CERT1: variants seen among roughly 807,000 people sequenced by gnomAD.
CERT1 encodes ceramide transfer protein.
Under a neutral mutation model 87.9 loss-of-function variants are expected in CERT1, and 31 were observed. That is an observed-to-expected ratio of 0.35 (90% CI 0.27 to 0.48). The LOEUF is 0.48. Among genes scored for constraint, CERT1 ranks in the 20% least tolerant of loss-of-function variants. The pLI is 0.99. For synonymous variants in CERT1, 289 were observed against 250.9 expected (o/e 1.15, Z -1.44); for missense variants, 487 against 758.0 (o/e 0.64, Z 4.20).
Position 75,506,100 on chromosome 5 carries a change from T to C in CERT1, c.113A>G (p.His38Arg), listed in dbSNP as rs773126485. 6.2e-7 allele frequency: 1 copy of C among 1,612,846 alleles called. No homozygotes were observed. Reference sequence around the variant, plus strand: ...AACTACCCAACGATCCTGCCACCCATGAATGTAGTTTGTCCACTGGGAGTG... The same window carrying C: ...AACTACCCAACGATCCTGCCACCCACGAATGTAGTTTGTCCACTGGGAGTG... The part of the protein sequence containing the change: ...GVLSKWTNYI[H>R]GWQDRWVVLK... The change falls in exon 2 of 17, where the codon CAT becomes CGT. Residue 38 changes from histidine (H) to arginine (R), a missense_variant. By Grantham distance (29) the His-to-Arg change is conservative (BLOSUM62 0). Coordinates refer to ENST00000643780, the MANE Select transcript of CERT1 (RefSeq NM_001379029.1).
intron 14 of CERT1, among the ~76,000 whole-genome samples, chr5:75,383,240 ATTTG>A (rs1294891747): frequency 1.3e-5 from 2 of 152,046 alleles, no homozygotes; most frequent in African/African-American, 4.8e-5. Context: ...TTCCAGGACA[ATTTG>A]TTTATTCCAA....
chr5:75,479,007 C>A (rs1766106015), intron 2 of CERT1, among the ~76,000 whole-genome samples: 1 of 136,948 alleles, frequency 7.3e-6, no homozygotes, highest in Non-Finnish European at 1.5e-5. Context: ...ATATCTAGGA[C>A]AATTTTGATC....
At chr5:75,452,302 G>A (rs1436459473) in intron 3 of CERT1, among the ~76,000 whole-genome samples, 1 of 152,146 alleles carries the variant, frequency 6.6e-6, no homozygotes, top group African/African-American at 2.4e-5. Flanking sequence ...TCCACAACGT[G>A]GGGAAAGTCT....
At chr5:75,471,652 G>A (rs897147720) in intron 2 of CERT1, among the ~76,000 whole-genome samples, 1 of 151,518 alleles carries the variant, frequency 6.6e-6, no homozygotes, top group Non-Finnish European at 1.5e-5. Context: ...CCAGCTACTC[G>A]GGAGGCTGAG....
At chr5:75,494,814 CCTGT>C (rs1766980029) in intron 2 of CERT1, among the ~76,000 whole-genome samples, 1 of 152,132 alleles carries the variant, frequency 6.6e-6, no homozygotes, top group African/African-American at 2.4e-5. Flanking sequence ...TCTTGTCCAC[CCTGT>C]CTTTTGGGAT....
upstream of CERT1, chr5:75,511,931 G>T (rs942533634): frequency 5.6e-6 from 6 of 1,078,186 alleles, no homozygotes; most frequent in African/African-American, 1.6e-5. Flanking sequence ...ATCCCGCGCG[G>T]GGATCGCTTG....
rs536851313 is a variant in CERT1, at chr5:75,408,742, G to T, written c.930+2269C>A. Among the ~76,000 whole-genome samples the T allele has an allele frequency of 3.9e-5, 6 of 152,082 alleles. No individual in the cohort carries two copies. In the South Asian group the frequency reaches 1.2e-3, roughly 32 times the overall value. On this transcript the variant is annotated intron_variant, in intron 8 of 16. Transcript: ENST00000643780. The stretch of plus-strand genomic sequence containing the variant: ...CTCTGCCAGTACACAATATACTCAT[G>T]TAACAAACATGCATGTGTACTTCCA...
chr5:75,374,441 C>T (rs1347643462), downstream of CERT1: 1 of 659,916 alleles, frequency 1.5e-6, no homozygotes, highest in Non-Finnish European at 2.7e-6. Flanking sequence ...GAACAGTCCT[C>T]TCTACAGTCC....
chr5:75,500,994 G>GTTTTTTTTTTGT (rs1767338728), intron 2 of CERT1, among the ~76,000 whole-genome samples: 2 of 136,932 alleles, frequency 1.5e-5, no homozygotes, highest in Non-Finnish European at 3.2e-5. Flanking sequence ...TGTTTTTTTT[G>GTTTTTTTTTTGT]TTTTTTTTTT....
chr5:75,494,835 A>C (rs1293392629), intron 2 of CERT1, among the ~76,000 whole-genome samples: 1 of 152,174 alleles, frequency 6.6e-6, no homozygotes, highest in Non-Finnish European at 1.5e-5. Flanking sequence ...GGATTTCGAC[A>C]GTTTTTAGCC....
chr5:75,434,485 A>C (rs1222621164), intron 3 of CERT1, among the ~76,000 whole-genome samples: 1 of 152,086 alleles, frequency 6.6e-6, no homozygotes, highest in Admixed American at 6.5e-5. Context: ...TTTTGGTATA[A>C]GAATGATGCT....
In CERT1 at chr5:75,459,008, A is replaced by T; in HGVS notation, c.348+57T>A. On this transcript the variant is annotated intron_variant, in intron 3 of 16. Transcript: ENST00000643780. ...CACATGTCAACTTTTTTTTTAAGGT[A>T]TTGTCAACAATCTCTTACCTAGTCC... The T allele has an allele frequency of 7.6e-6, 7 of 917,886 alleles. No individual in the cohort carries two copies. The Admixed American group carries it at 1.3e-4, about 17-fold the overall frequency. 56.9% of individuals were successfully genotyped at this position (917,886 alleles called of 1,614,324 possible). A position where few individuals can be genotyped will look rare whatever the true frequency, so the allele number is the denominator to read the frequency against.
At chr5:75,444,542 T>G (rs985257452) in intron 3 of CERT1, among the ~76,000 whole-genome samples, 2 of 149,208 alleles carry the variant, frequency 1.3e-5, no homozygotes, top group Non-Finnish European at 3.0e-5. Context: ...ATTTTGCTTT[T>G]CTTTTCTTTT....
At chr5:75,506,641 GTA>G (rs1456853462) in intron 1 of CERT1, among the ~76,000 whole-genome samples, 4 of 152,088 alleles carry the variant, frequency 2.6e-5, no homozygotes, top group African/African-American at 9.7e-5. Flanking sequence ...TATAACAGCT[GTA>G]ACTATATCAA....
At position 75,417,088 on chromosome 5, in the gene CERT1, C is replaced by T; in HGVS notation, c.680-55G>A. ...TCTCTAATGAGGAAATAATTCATCA[C>T]AATTTAAGATTAGAAAATGTTTAGA... On this transcript the variant is annotated intron_variant, in intron 6 of 16. Transcript: ENST00000643780. The T allele has an allele frequency of 6.1e-6, 8 of 1,318,328 alleles. No individual in the cohort carries two copies. The South Asian group carries it at 1.1e-4, about 18-fold the overall frequency. The allele number at this position is 1,318,328 out of a possible 1,614,324, so 81.7% of individuals were successfully genotyped here.
At position 75,400,177 on chromosome 5, in the gene CERT1, C is replaced by T. The variant is rs759741405; in HGVS notation, c.1110+28G>A. The T allele has an allele frequency of 3.5e-6, 5 of 1,443,234 alleles. No individual in the cohort carries two copies. In the South Asian group the frequency reaches 5.8e-5, roughly 17 times the overall value. 89.4% of individuals were successfully genotyped at this position (1,443,234 alleles called of 1,614,324 possible). ...ACAATGAAGAACAATACAAGGTGTA[C>T]TTTTAGTAAACTCTGACATTAGCTT... On this transcript the variant is annotated intron_variant, in intron 10 of 16. Coordinates refer to ENST00000643780, the MANE Select transcript of CERT1 (RefSeq NM_001379029.1).
At chr5:75,399,918 C>A (rs1392921531) in intron 10 of CERT1, among the ~76,000 whole-genome samples, 1 of 152,150 alleles carries the variant, frequency 6.6e-6, no homozygotes, top group Non-Finnish European at 1.5e-5. Context: ...GTGGGTGGAT[C>A]ACAAGGTCAG....
chr5:75,506,823 T>C (rs952922572), intron 1 of CERT1, among the ~76,000 whole-genome samples: 4 of 152,200 alleles, frequency 2.6e-5, no homozygotes, highest in Admixed American at 6.5e-5. Context: ...ACATATTGGA[T>C]TGTCTTCAAT....
intron 9 of CERT1, chr5:75,402,159 C>T (rs1325673224): frequency 6.6e-6 from 1 of 151,964 alleles, no homozygotes; most frequent in African/African-American, 2.4e-5. Context: ...ATAATGATGA[C>T]AAAACACTGA....
Sources: allele counts gnomAD v4.1 joint callset (sites outside exome capture counted in the v4.1 genomes callset), GRCh38; gene constraint gnomAD v4.1.1; transcripts MANE v1.5; gene names NCBI Gene and HGNC (gene_info 2026-07-23, HGNC 2026-07-21).